Variants in MIER1 observed in about 807,000 individuals in gnomAD.
The protein encoded by MIER1 is MIER1 transcriptional regulator.
A neutral mutation model predicts 75.7 loss-of-function variants in MIER1; 40 were observed. The observed-to-expected ratio is 0.53, with a 90% confidence interval of 0.41 to 0.69. The LOEUF is 0.69. Ranked by LOEUF, MIER1 falls within the 30% of genes least tolerant of loss-of-function variation. The probability of loss-of-function intolerance (pLI) is 0.00; values close to 1 mark genes in which losing one functional copy is unlikely to be tolerated. For missense variants in MIER1, 574 were observed against 680.2 expected (o/e 0.84, Z 1.74); for synonymous variants, 213 against 223.4 (o/e 0.95, Z 0.42).
At chr1:66,940,246 T>A in intron 3 of MIER1, 194 bp downstream of exon 3, 3 of 346,338 alleles carry the variant, frequency 8.7e-6, no homozygotes, top group African/African-American at 2.2e-5. Context: ...GATTTCATCC[T>A]AAAAATGACT....
At chr1:66,939,649 T>C (rs1327256922) in intron 2 of MIER1, among the ~76,000 whole-genome samples, 1 of 152,160 alleles carries the variant, frequency 6.6e-6, no homozygotes, top group East Asian at 1.9e-4. Flanking sequence ...ACCAGCTTGA[T>C]AGCAAACTTT....
intron 11 of MIER1, among the ~76,000 whole-genome samples, chr1:66,974,643 G>A (rs1419320408): frequency 6.6e-6 from 1 of 152,048 alleles, no homozygotes; most frequent in Non-Finnish European, 1.5e-5. Context: ...AGTATTAAAA[G>A]TATAACCTTG....
intron 2 of MIER1, chr1:66,930,305 G>C (rs1282219768): frequency 8.3e-6 from 13 of 1,574,038 alleles, no homozygotes; most frequent in East Asian, 7.4e-5. Flanking sequence ...GCAGCGGCCG[G>C]AGTCCCGTTG....
intron 3 of MIER1, among the ~76,000 whole-genome samples, chr1:66,945,928 A>G (rs1427309359): frequency 2.6e-5 from 4 of 152,148 alleles, no homozygotes; most frequent in Admixed American, 6.5e-5. Context: ...ATTATTTACA[A>G]TTTTTTCATA....
At chr1:66,971,304 T>A (rs1663558402) in intron 9 of MIER1, among the ~76,000 whole-genome samples, 1 of 152,062 alleles carries the variant, frequency 6.6e-6, no homozygotes, top group African/African-American at 2.4e-5. Flanking sequence ...TGAACCTATC[T>A]TTTTTACCTT....
At chr1:66,946,884 C>T in intron 4 of MIER1, 1 of 985,160 alleles carries the variant, frequency 1.0e-6, no homozygotes, top group Non-Finnish European at 1.2e-6. Context: ...ACACCACTGT[C>T]TGGTTTTCTT....
intron 12 of MIER1, among the ~76,000 whole-genome samples, chr1:66,978,641 T>G (rs1049884297): frequency 6.6e-6 from 1 of 152,182 alleles, no homozygotes; most frequent in African/African-American, 2.4e-5. Context: ...AATAGTAACA[T>G]CTTTTATTTT....
intron 3 of MIER1, among the ~76,000 whole-genome samples, chr1:66,942,118 G>A (rs1656388507): frequency 6.6e-6 from 1 of 152,144 alleles, no homozygotes; most frequent in African/African-American, 2.4e-5. Flanking sequence ...TCTGCCCAGG[G>A]CAGTGTTTAT....
chr1:66,986,821 C>T lies in MIER1; in HGVS notation c.*1921C>T, dbSNP rs1165034146. The T allele has an allele frequency of 5.4e-6, 1 of 184,326 alleles. No individual in the cohort carries two copies. The allele number at this position is 184,326 out of a possible 1,614,324, so 11.4% of individuals were successfully genotyped here. ...GCAGTAGCTTTAGCAAGCAGATGGT[C>T]ACAATCTGTTTTCTAAATCATTTTT... On this transcript the variant is annotated 3_prime_UTR_variant, in exon 14 of 14. Coordinates refer to ENST00000401041, the MANE Select transcript of MIER1 (RefSeq NM_001077700.3).
At chr1:66,950,033 GTTA>G (rs552492980) in intron 4 of MIER1, among the ~76,000 whole-genome samples, 104 of 152,284 alleles carry the variant, frequency 6.8e-4, no homozygotes, top group East Asian at 4.0e-3. Context: ...GGGTGTATAG[GTTA>G]TTATTTATTG....
chr1:66,952,148 A>T (rs1400253033), intron 4 of MIER1, among the ~76,000 whole-genome samples: 1 of 152,124 alleles, frequency 6.6e-6, no homozygotes, highest in Non-Finnish European at 1.5e-5. Context: ...TTGCCACATA[A>T]TTTTTTCTTT....
chr1:66,958,314 T>TTTCTC (rs3831089), intron 5 of MIER1, 94 bp downstream of exon 5: 604,874 of 803,432 alleles, frequency 0.75, 231,397 homozygotes, highest in East Asian at 0.91. Flanking sequence ...TTTATAATCT[T>TTTCTC]TTCCTGATTT....
intron 8 of MIER1, 22 bp downstream of exon 8, chr1:66,963,182 G>T (rs777098858): frequency 6.9e-7 from 1 of 1,451,340 alleles, no homozygotes; most frequent in Admixed American, 1.7e-5. Context: ...GTAAAGTTAC[G>T]TAGCTGAATT....
chr1:66,946,942 A>T, intron 4 of MIER1: 1 of 985,286 alleles, frequency 1.0e-6, no homozygotes. Context: ...TTCTTCCGTT[A>T]CTCAAGGTTT....
chr1:66,983,484 T>C (rs2102109923), intron 13 of MIER1, among the ~76,000 whole-genome samples: 1 of 152,310 alleles, frequency 6.6e-6, no homozygotes, highest in South Asian at 2.1e-4. Flanking sequence ...ATTTTACTTC[T>C]TATCACCAAA....
chr1:66,955,366 A>ATTTTTTTTTTTTTTT, intron 4 of MIER1, among the ~76,000 whole-genome samples: 1 of 25,612 alleles, frequency 3.9e-5, no homozygotes, highest in Non-Finnish European at 7.7e-5. Flanking sequence ...TTTTTTTTTA[A>ATTTTTTTTTTTTTTT]TTGCAGGTAC....
At chr1:66,940,090 G>T in intron 3 of MIER1, 38 bp downstream of exon 3, 1 of 1,499,510 alleles carries the variant, frequency 6.7e-7, no homozygotes, top group Non-Finnish European at 9.3e-7. Flanking sequence ...CTCGATTTGA[G>T]TAACATTTGT....
intron 2 of MIER1, among the ~76,000 whole-genome samples, chr1:66,926,810 TA>T: frequency 6.6e-6 from 1 of 152,318 alleles, no homozygotes; most frequent in African/African-American, 2.4e-5. Flanking sequence ...TGTGTTGTAT[TA>T]ATCTATTTCA....
intron 4 of MIER1, chr1:66,948,065 T>C: frequency 2.1e-6 from 2 of 964,734 alleles, no homozygotes; most frequent in Non-Finnish European, 1.2e-6. Context: ...AGGACACAAT[T>C]TGTAATTGTT....
Sources: allele counts gnomAD v4.1 joint callset (sites outside exome capture counted in the v4.1 genomes callset), GRCh38; gene constraint gnomAD v4.1.1; transcripts MANE v1.5; gene names NCBI Gene and HGNC (gene_info 2026-07-23, HGNC 2026-07-21).